The following SLC12A9 variants were observed in gnomAD, a reference collection of about 807,000 sequenced individuals.
SLC12A9 encodes the protein CCC-interacting protein 1.
Under a neutral mutation model 66.0 loss-of-function variants are expected in SLC12A9, and 55 were observed. The ratio of observed to expected loss-of-function variants is 0.83; its 90% CI spans 0.67 to 1.04. The LOEUF is 1.04. Ranked by LOEUF, SLC12A9 falls within the 50% of genes least tolerant of loss-of-function variation. The pLI is 0.00. For synonymous variants in SLC12A9, 577 were observed against 569.0 expected, an observed-to-expected ratio of 1.01 and a Z score of -0.20; for missense variants, 1,061 against 1,241.9, an observed-to-expected ratio of 0.85 and a Z score of 2.19.
At chr7:100,828,459 A>C (rs977955691) in intron 1 of SLC12A9, among the ~76,000 whole-genome samples, 6 of 150,830 alleles carry the variant, frequency 4.0e-5, no homozygotes, top group Non-Finnish European at 4.4e-5. Flanking sequence ...GAATTGCTTG[A>C]ACCGGGACCT....
exon 1 of SLC12A9, chr7:100,827,034 G>A (rs1201064999): frequency 3.2e-6 from 5 of 1,581,382 alleles, no homozygotes; most frequent in East Asian, 2.3e-5. Flanking sequence ...GCTCCATGGC[G>A]CCGCCTCACT....
intron 13 of SLC12A9, chr7:100,865,463 A>G: frequency 1.3e-6 from 2 of 1,534,206 alleles, no homozygotes; most frequent in Non-Finnish European, 1.7e-6. Flanking sequence ...AGTGGCAAGA[A>G]TCCTAAGGCG....
rs377128788 is a variant in SLC12A9 at position 100,854,397 on chromosome 7, G to A, written c.181+19G>A. The stretch of plus-strand genomic sequence containing the variant: ...AGGATTGGTGAGTGGGTCCTGGGGC[G>A]GGTGTGGACTGACTATAGTATGGGA... On this transcript the variant is annotated intron_variant, in intron 2 of 13. Coordinates refer to ENST00000354161, the MANE Select transcript of SLC12A9 (RefSeq NM_020246.4). The A allele has an allele frequency of 6.8e-5, 110 of 1,610,194 alleles. No homozygotes were observed. Among genetic ancestry groups the A allele is most frequent in the Non-Finnish European group, 8.6e-5 (101 of 1,179,006 alleles).
intron 4 of SLC12A9, chr7:100,856,553 C>A: frequency 3.7e-6 from 1 of 267,858 alleles, no homozygotes; most frequent in Non-Finnish European, 7.1e-6. Flanking sequence ...CTCACTCTGT[C>A]ACCAAGGCTG....
intron 13 of SLC12A9, 30 bp downstream of exon 13, chr7:100,862,857 C>A (rs1216133009): frequency 3.1e-6 from 5 of 1,612,658 alleles, no homozygotes; most frequent in Non-Finnish European, 4.2e-6. Flanking sequence ...ATGCCCTCGG[C>A]CTTCCTCTGT....
At position 100,862,103 on chromosome 7, in the gene SLC12A9, C is replaced by T. The variant is rs1814795185; in HGVS notation, c.1711+192C>T. On this transcript the variant is annotated intron_variant, in intron 12 of 13. Coordinates refer to ENST00000354161, the MANE Select transcript of SLC12A9 (RefSeq NM_020246.4). ...GCCTCCTGAGCTGGGATTACAGGCA[C>T]ACACCATCATGCCTGGCTAGTTTTT... 2.0e-5 allele frequency among the ~76,000 whole-genome samples: 3 copies of T among 151,628 alleles called. No individual in the cohort carries two copies. In the South Asian group the frequency reaches 6.2e-4, roughly 32 times the overall value.
intron 9 of SLC12A9, 89 bp downstream of exon 9, chr7:100,860,321 T>C (rs2116623442): frequency 7.4e-7 from 1 of 1,348,878 alleles, no homozygotes; most frequent in Non-Finnish European, 1.0e-6. Context: ...GAGACAAATG[T>C]AAAGACAAAT....
rs764874470 is a variant in SLC12A9, at chr7:100,861,586, T to C, written c.1536+2T>C. 1 of 1,612,178 alleles carries C rather than the reference T, an allele frequency of 6.2e-7. No homozygotes were observed. The highest frequency in any genetic ancestry group is 8.5e-7 in the Non-Finnish European group (1 of 1,179,108). ...AGCCAGGCCTTGCTTTTCCACCAGG[T>C]ATGGGGAGCTGGTGGGGCGGTGGGG... On this transcript the variant is annotated splice_donor_variant, in intron 11 of 13. Transcript: ENST00000354161. LOFTEE classifies it high-confidence loss of function. This position sits in a 1 kb window ranked among gnomAD's most constrained non-coding sequence, Gnocchi z 5.3.
At chr7:100,865,141 A>C in intron 13 of SLC12A9, 1 of 922,440 alleles carries the variant, frequency 1.1e-6, no homozygotes, top group Non-Finnish European at 1.7e-6. Flanking sequence ...TATTTTTAGT[A>C]GAGATAGCAT....
chr7:100,860,387 G>A, intron 9 of SLC12A9, 155 bp downstream of exon 9: 1 of 754,252 alleles, frequency 1.3e-6, no homozygotes. Context: ...CACTTTGTGG[G>A]GTTCACCAGC....
At position 100,865,964 on chromosome 7, in the gene SLC12A9, G is replaced by A; in HGVS notation, c.2104G>A (p.Ala702Thr). 6.2e-7 allele frequency: 1 copy of A among 1,613,058 alleles called. No individual in the cohort carries two copies. Among genetic ancestry groups the A allele is most frequent in the Non-Finnish European group, 8.5e-7 (1 of 1,179,908 alleles). Reference protein sequence around the residue: ...KMNKNVVLARASGALPPERLS... With the variant: ...KMNKNVVLARTSGALPPERLS... ...GAACAAGAATGTGGTGCTGGCCCGGGCCAGCGGGGCCTTGCCCCCTGAGCG... is the reference window on the plus strand; with the variant it reads ...GAACAAGAATGTGGTGCTGGCCCGGACCAGCGGGGCCTTGCCCCCTGAGCG... Residue 702 changes from alanine to threonine, a missense_variant, in exon 14 of 14, where the codon GCC becomes ACC. Coordinates refer to ENST00000354161, the MANE Select transcript of SLC12A9 (RefSeq NM_020246.4).
rs200651094 is a variant in SLC12A9, at chr7:100,857,193, C to T, written c.757+17C>T. ...ACTTGGGCGGTGAGCTGGGTGCTGC[C>T]GTGGCAGGGATCTCGGGGTGAGGGG... On this transcript the variant is annotated intron_variant, in intron 5 of 13. Coordinates refer to ENST00000354161, the MANE Select transcript of SLC12A9 (RefSeq NM_020246.4). The T allele has an allele frequency of 1.2e-4, 198 of 1,598,794 alleles. 1 individual carries two copies. In the African/African-American group the frequency reaches 1.4e-3, roughly 11 times the overall value.
intron 13 of SLC12A9, chr7:100,865,305 C>T (rs1815002119): frequency 6.5e-7 from 1 of 1,535,796 alleles, no homozygotes; most frequent in South Asian, 1.2e-5. Flanking sequence ...ACGCTATTAC[C>T]CTGGGGATTC....
intron 1 of SLC12A9, among the ~76,000 whole-genome samples, chr7:100,831,449 G>C (rs1562978904): frequency 6.6e-6 from 1 of 151,968 alleles, no homozygotes; most frequent in African/African-American, 2.4e-5. Flanking sequence ...GCCTCCCAAA[G>C]TGCTGGGATT....
chr7:100,828,401 T>G (rs1412978686), intron 1 of SLC12A9, among the ~76,000 whole-genome samples: 1 of 151,592 alleles, frequency 6.6e-6, no homozygotes, highest in Non-Finnish European at 1.5e-5. Flanking sequence ...TAGCTGGGCA[T>G]GGTGGCGCGC....
In SLC12A9 at chr7:100,866,300, G is replaced by A; in HGVS notation, c.2440G>A (p.Ala814Thr). The change falls in exon 14 of 14, where the codon GCG (alanine) becomes ACG (threonine). Residue 814 changes from alanine (A) to threonine (T), a missense_variant. Coordinates refer to ENST00000354161, the MANE Select transcript of SLC12A9 (RefSeq NM_020246.4). This position sits in a 1 kb window ranked among gnomAD's most constrained non-coding sequence, Gnocchi z 7.3. ...GGGGGCCGGGGCTGGGGAACCCGAG[G>A]CGGAGGAGGAAGGGGACTTTGTGAA... ...GEGAGAGEPE[A>T]EEEGDFVNSG... is the part of the protein sequence containing the mutation. 6.6e-7 allele frequency: 1 copy of A among 1,519,830 alleles called. No homozygotes were observed. The highest frequency in any genetic ancestry group is 8.8e-7 in the Non-Finnish European group (1 of 1,131,810). 94.1% of individuals were successfully genotyped at this position (1,519,830 alleles called of 1,614,324 possible).
intron 1 of SLC12A9, among the ~76,000 whole-genome samples, chr7:100,834,354 C>T (rs1562979868): frequency 6.6e-6 from 1 of 152,170 alleles, no homozygotes; most frequent in Admixed American, 6.5e-5. Context: ...TTTTGCAGGA[C>T]TGCTCTGGGG....
At chr7:100,841,283 A>G (rs1223404980) in intron 1 of SLC12A9, among the ~76,000 whole-genome samples, 1 of 152,070 alleles carries the variant, frequency 6.6e-6, no homozygotes, top group African/African-American at 2.4e-5. Context: ...ATAATTTAAA[A>G]GTAACTAGGC....
chr7:100,836,749 G>A (rs1001931292), intron 1 of SLC12A9, among the ~76,000 whole-genome samples: 6 of 151,902 alleles, frequency 3.9e-5, no homozygotes, highest in African/African-American at 1.5e-4. Flanking sequence ...TGTTTGCTGG[G>A]TCTGCAGGAA....
Sources: allele counts gnomAD v4.1 joint callset (sites outside exome capture counted in the v4.1 genomes callset), GRCh38; gene constraint gnomAD v4.1.1; non-coding constraint Gnocchi (gnomAD v3.1); transcripts MANE v1.5; gene names NCBI Gene and HGNC (gene_info 2026-07-23, HGNC 2026-07-21).